The following AGBL1 variants were observed in gnomAD, a reference collection of about 807,000 sequenced individuals.
AGBL1 encodes the protein AGBL carboxypeptidase 1.
In AGBL1, 130 loss-of-function variants were observed where a neutral mutation model predicts 118.9. That is an observed-to-expected ratio of 1.09 (90% CI 0.95 to 1.26). The LOEUF (loss-of-function observed/expected upper bound fraction) is 1.26. Among genes scored for constraint, AGBL1 ranks in the 50% most tolerant of loss-of-function variants. The pLI, the probability that AGBL1 is intolerant of heterozygous loss-of-function variation, is 0.00. For synonymous variants in AGBL1, 555 were observed against 478.9 expected, an observed-to-expected ratio of 1.16 and a Z score of -2.08; for missense variants, 1,584 against 1,298.1, an observed-to-expected ratio of 1.22 and a Z score of -3.38.
chr15:86,988,223 C>A, intron 24 of AGBL1: 1 of 1,102,790 alleles, frequency 9.1e-7, no homozygotes, highest in South Asian at 1.6e-5. Context: ...ACAACATACC[C>A]TTCAGCTTTG....
chr15:86,143,958 G>A (rs2076999244), intron 3 of AGBL1, 113 bp downstream of exon 3: 1 of 1,327,224 alleles, frequency 7.5e-7, no homozygotes, highest in Non-Finnish European at 1.0e-6. Context: ...CGTCAGGGAG[G>A]TTCTGGACAA....
intron 17 of AGBL1, among the ~76,000 whole-genome samples, chr15:86,374,468 G>C (rs557197127): frequency 8.6e-4 from 131 of 152,302 alleles, no homozygotes; most frequent in Non-Finnish European, 1.2e-3. Flanking sequence ...CATGTGACTT[G>C]TCTTGTGTAT....
chr15:86,288,417 T>G (rs752410906), intron 16 of AGBL1, among the ~76,000 whole-genome samples: 44 of 152,304 alleles, frequency 2.9e-4, no homozygotes, highest in Non-Finnish European at 5.4e-4. Context: ...ATCAGGGCTT[T>G]AGTTAATAAT....
chr15:86,143,836 G>T lies in AGBL1; in HGVS notation c.253G>T (p.Gly85Cys). The T allele has an allele frequency of 6.2e-7, 1 of 1,613,664 alleles. No individual in the cohort carries two copies. Among genetic ancestry groups the T allele is most frequent in the Non-Finnish European group, 8.5e-7 (1 of 1,179,726 alleles). Residue 85 changes from glycine (G) to cysteine (C), a missense_variant, in exon 3 of 23, where the codon GGC becomes TGC. Physicochemically the swap from Gly to Cys is radical, Grantham distance 159. Transcript: ENST00000614907. ...TCTCTTCCGGCTGCTGGCCAAAGTT[G>T]GCCTAAGAGGTACTCGTACTCCAAG... ...LPLFRLLAKV[G>C]LRDKKIGRKA...
chr15:86,271,552 G>A (rs1301707395), intron 14 of AGBL1, 67 bp from the exon 15 acceptor site: 2 of 1,201,174 alleles, frequency 1.7e-6, no homozygotes, highest in East Asian at 4.6e-5. Flanking sequence ...GTGTATGTGG[G>A]GGTCATTATT....
intron 22 of AGBL1, among the ~76,000 whole-genome samples, chr15:86,785,710 G>T (rs547606442): frequency 4.6e-5 from 7 of 152,078 alleles, no homozygotes; most frequent in Non-Finnish European, 8.8e-5. Flanking sequence ...ATTATGATGA[G>T]CAATCCAGTT....
At chr15:86,408,435 A>G (rs2081564176) in intron 18 of AGBL1, among the ~76,000 whole-genome samples, 1 of 152,208 alleles carries the variant, frequency 6.6e-6, no homozygotes, top group Non-Finnish European at 1.5e-5. Flanking sequence ...TTCGCAGTTA[A>G]AGCTTAACCT....
chr15:86,436,769 T>C (rs1404519398), intron 18 of AGBL1, among the ~76,000 whole-genome samples: 1 of 152,192 alleles, frequency 6.6e-6, no homozygotes, highest in East Asian at 1.9e-4. Context: ...AGTTAATTAG[T>C]TTAATGGATT....
intron 18 of AGBL1, among the ~76,000 whole-genome samples, chr15:86,513,687 TCTA>T (rs1211741220): frequency 2.0e-5 from 3 of 152,092 alleles, no homozygotes; most frequent in African/African-American, 7.2e-5. Context: ...AATGTATAAA[TCTA>T]CTTCTCTATG....
intron 19 of AGBL1, among the ~76,000 whole-genome samples, chr15:86,536,292 G>A (rs942338368): frequency 7.9e-5 from 12 of 152,120 alleles, no homozygotes; most frequent in Non-Finnish European, 1.0e-4. Flanking sequence ...TAACACAAGA[G>A]CTGAAAATCT....
intron 1 of AGBL1, among the ~76,000 whole-genome samples, chr15:86,129,245 AAATTTAAC>A (rs1376566790): frequency 1.3e-5 from 2 of 152,168 alleles, no homozygotes; most frequent in African/African-American, 2.4e-5. Flanking sequence ...GAAACTTGCT[AAATTTAAC>A]TACGTTGTCA....
At chr15:86,084,876 T>C (rs529018836) in intron 1 of AGBL1, among the ~76,000 whole-genome samples, 1 of 151,124 alleles carries the variant, frequency 6.6e-6, no homozygotes, top group African/African-American at 2.4e-5. Flanking sequence ...CATCCACCCA[T>C]CCACCTATCC....
intron 20 of AGBL1, among the ~76,000 whole-genome samples, chr15:86,547,610 A>G (rs1231027426): frequency 2.0e-5 from 3 of 152,176 alleles, no homozygotes; most frequent in Admixed American, 6.5e-5. Flanking sequence ...AGTTAAGGTA[A>G]AAGGCATAAC....
chr15:86,433,463 G>A (rs1314805859), intron 18 of AGBL1, among the ~76,000 whole-genome samples: 1 of 151,914 alleles, frequency 6.6e-6, no homozygotes, highest in East Asian at 1.9e-4. Flanking sequence ...AAGGAAGACT[G>A]AATGAAACAT....
At chr15:86,561,232 A>T (rs111368193) in intron 21 of AGBL1, among the ~76,000 whole-genome samples, 1,644 of 152,250 alleles carry the variant, frequency 0.011, 12 homozygotes, top group Non-Finnish European at 0.017. Flanking sequence ...CCTGAATGGT[A>T]TTGCCTAGGT....
chr15:86,674,048 C>T (rs2085792688), intron 21 of AGBL1, among the ~76,000 whole-genome samples: 3 of 152,206 alleles, frequency 2.0e-5, no homozygotes, highest in African/African-American at 7.2e-5. Flanking sequence ...TCATTATTGT[C>T]ATGGGGGTAC....
chr15:86,552,082 A>T (rs769810943), intron 20 of AGBL1, among the ~76,000 whole-genome samples: 1 of 152,190 alleles, frequency 6.6e-6, no homozygotes, highest in Non-Finnish European at 1.5e-5. Context: ...CATTTTTTCA[A>T]ACCCATAAGA....
At chr15:86,995,080 A>T (rs2081368129) in intron 24 of AGBL1, among the ~76,000 whole-genome samples, 1 of 152,054 alleles carries the variant, frequency 6.6e-6, no homozygotes, top group African/African-American at 2.4e-5. Context: ...TAGATAGTAA[A>T]TTGTGCTTTT....
intron 1 of AGBL1, among the ~76,000 whole-genome samples, chr15:86,110,618 G>A (rs961581934): frequency 6.6e-6 from 1 of 152,042 alleles, no homozygotes; most frequent in South Asian, 2.1e-4. Flanking sequence ...CTGTCCAAGG[G>A]CCAACTCTAG....
Sources: gnomAD v4.1 joint callset for allele counts (sites outside exome capture counted in the v4.1 genomes callset) on GRCh38, gnomAD v4.1.1 for gene constraint, MANE v1.5 for transcripts, NCBI Gene and HGNC (gene_info 2026-07-23, HGNC 2026-07-21) for gene names.